OPHN1: variants seen among roughly 807,000 people sequenced by gnomAD.
OPHN1 encodes the protein oligophrenin 1, also known as oligophrenin-1.
OPHN1 carries 11 observed loss-of-function variants against 60.7 expected under a neutral mutation model. The observed-to-expected ratio is 0.18, with a 90% confidence interval of 0.11 to 0.30. The LOEUF is 0.30. Among genes scored for constraint, OPHN1 ranks in the 10% least tolerant of loss-of-function variants. The pLI is 1.00. For synonymous variants in OPHN1, 226 were observed against 222.6 expected (o/e 1.02, Z -0.14); for missense variants, 449 against 611.0 (o/e 0.73, Z 2.80).
chrX:68,124,339 A>G (rs1479643344), intron 15 of OPHN1, among the ~76,000 whole-genome samples: 1 of 111,336 alleles, frequency 9.0e-6, no homozygotes, highest in East Asian at 2.8e-4. Context: ...AAAGGGGTCA[A>G]TTTAGCAAGA....
At chrX:68,151,104 C>T (rs1443364024) in intron 15 of OPHN1, among the ~76,000 whole-genome samples, 1 of 111,446 alleles carries the variant, frequency 9.0e-6, no homozygotes, top group Non-Finnish European at 1.9e-5. Context: ...GTAACAGTGG[C>T]TTCAGGATTC....
intron 3 of OPHN1, among the ~76,000 whole-genome samples, chrX:68,298,140 A>G (rs150294060): frequency 0.056 from 6,210 of 111,269 alleles, 180 homozygotes; most frequent in Non-Finnish European, 0.087. Context: ...CTCATCTAGC[A>G]AATGCTCTAC....
intron 2 of OPHN1, 52 bp downstream of exon 2, chrX:68,432,815 A>C: frequency 1.7e-6 from 2 of 1,190,946 alleles, no homozygotes; most frequent in Non-Finnish European, 2.3e-6. Flanking sequence ...GAAAGGCTTA[A>C]AGGCCAGACA....
chrX:68,308,017 T>C (rs2078154269), intron 2 of OPHN1, among the ~76,000 whole-genome samples: 1 of 112,379 alleles, frequency 8.9e-6, no homozygotes, highest in Admixed American at 9.4e-5. Flanking sequence ...CATTACCACC[T>C]GGTAAGGTTA....
At chrX:68,406,187 C>T (rs935283812) in intron 2 of OPHN1, among the ~76,000 whole-genome samples, 3 of 109,741 alleles carry the variant, frequency 2.7e-5, no homozygotes, top group Non-Finnish European at 3.8e-5. Flanking sequence ...CTACATGCAA[C>T]TCATAATCCT....
rs947355707 is a variant in OPHN1, at chrX:68,045,653, C to T, written c.*1519G>A. 1.2e-4 allele frequency: 13 copies of T among 112,128 alleles called. No homozygotes were observed. The highest frequency in any genetic ancestry group is 9.4e-5 in the Non-Finnish European group (5 of 53,253). 9.2% of individuals were successfully genotyped at this position (112,128 alleles called of 1,213,427 possible). A position where few individuals can be genotyped will look rare whatever the true frequency, so the allele number is the denominator to read the frequency against. ...TTTCCAGCAACTTCCCTTCAACAAA[C>T]AGGAATTAGAAATGTCCATTCCTCA... is the stretch of plus-strand genomic sequence containing the variant. On this transcript the variant is annotated 3_prime_UTR_variant, in exon 25 of 25. Coordinates refer to ENST00000355520, the MANE Select transcript of OPHN1 (RefSeq NM_002547.3).
At chrX:68,426,900 A>C (rs2078861819) in intron 2 of OPHN1, among the ~76,000 whole-genome samples, 1 of 101,107 alleles carries the variant, frequency 9.9e-6, no homozygotes, top group Non-Finnish European at 2.0e-5. Context: ...ACAAAAAAAA[A>C]AAAACAAAAA....
At chrX:68,269,618 C>G (rs1198486271) in intron 5 of OPHN1, among the ~76,000 whole-genome samples, 7 of 111,491 alleles carry the variant, frequency 6.3e-5, no homozygotes, top group Non-Finnish European at 1.1e-4. Flanking sequence ...CATGTTAGAC[C>G]TAAAACCATA....
intron 13 of OPHN1, 116 bp from the exon 14 acceptor site, chrX:68,194,068 T>C: frequency 1.6e-6 from 1 of 615,106 alleles, no homozygotes; most frequent in East Asian, 3.4e-5. Context: ...TAGTTGCTCA[T>C]TTCTAGTCAC....
At chrX:68,105,359 T>C (rs184870088) in intron 18 of OPHN1, among the ~76,000 whole-genome samples, 4 of 110,811 alleles carry the variant, frequency 3.6e-5, no homozygotes, top group Admixed American at 1.9e-4. Context: ...CATGTACACG[T>C]ATGTTTATTG....
intron 2 of OPHN1, among the ~76,000 whole-genome samples, chrX:68,307,514 T>A (rs1455758726): frequency 9.1e-6 from 1 of 109,323 alleles, no homozygotes; most frequent in African/African-American, 3.4e-5. Context: ...CCATGTGAAT[T>A]GTGCCAGTAA....
At chrX:68,242,663 AC>A (rs1242564423) in intron 5 of OPHN1, among the ~76,000 whole-genome samples, 1 of 111,133 alleles carries the variant, frequency 9.0e-6, no homozygotes, top group Non-Finnish European at 1.9e-5. Flanking sequence ...GGTGGAAAAA[AC>A]CCAAATGTCT....
intron 2 of OPHN1, among the ~76,000 whole-genome samples, chrX:68,353,451 G>A (rs997042191): frequency 2.9e-5 from 3 of 104,150 alleles, no homozygotes; most frequent in Non-Finnish European, 5.9e-5. Context: ...GCGGGTGCCT[G>A]TAATCCCAGC....
chrX:68,047,442 T>C (rs2076835970), intron 24 of OPHN1, among the ~76,000 whole-genome samples: 1 of 111,788 alleles, frequency 8.9e-6, no homozygotes, highest in African/African-American at 3.3e-5. Context: ...CTAGAACCTC[T>C]GAGATTTCTT....
At chrX:68,188,671 T>C (rs186247247) in intron 15 of OPHN1, among the ~76,000 whole-genome samples, 2 of 111,867 alleles carry the variant, frequency 1.8e-5, no homozygotes, top group Non-Finnish European at 1.9e-5. Context: ...ACTCCTGAAG[T>C]GGAGTGTGGT....
chrX:68,100,891 T>A (rs1054012687), intron 18 of OPHN1, among the ~76,000 whole-genome samples: 3 of 110,088 alleles, frequency 2.7e-5, no homozygotes, highest in Admixed American at 1.9e-4. Flanking sequence ...GGACTACAGG[T>A]GCCCGCCACC....
chrX:68,153,287 T>C (rs1359304372), intron 15 of OPHN1, among the ~76,000 whole-genome samples: 1 of 107,261 alleles, frequency 9.3e-6, no homozygotes, highest in Non-Finnish European at 1.9e-5. Context: ...ACCAGAAAAA[T>C]CTCAAACCAA....
intron 5 of OPHN1, among the ~76,000 whole-genome samples, chrX:68,273,665 T>C (rs759960701): frequency 8.9e-6 from 1 of 112,129 alleles, no homozygotes; most frequent in African/African-American, 3.2e-5. Flanking sequence ...TTTATTTAAA[T>C]AGATAGTAGT....
At chrX:68,343,274 CA>C (rs368144274) in intron 2 of OPHN1, among the ~76,000 whole-genome samples, 6,133 of 62,536 alleles carry the variant, frequency 0.098, 649 homozygotes, top group African/African-American at 0.28. Flanking sequence ...AGCTCTGTCT[CA>C]AAAAAAAAAA....
Sources: allele counts gnomAD v4.1 joint callset (sites outside exome capture counted in the v4.1 genomes callset), GRCh38; gene constraint gnomAD v4.1.1; transcripts MANE v1.5; gene names NCBI Gene and HGNC (gene_info 2026-07-23, HGNC 2026-07-21).